Variants in PVT1 observed in about 807,000 individuals in gnomAD.
PVT1 encodes the protein CXCR4/PVT1 fusion.
At chr8:127,977,721 C>T (rs917295563) in intron 3 of PVT1, among the ~76,000 whole-genome samples, 1 of 126,328 alleles carries the variant, frequency 7.9e-6, no homozygotes, top group Non-Finnish European at 1.8e-5. Context: ...GGCAACGAAG[C>T]CAGACTCTGT....
chr8:128,070,132 C>G (rs2250888), intron 4 of PVT1: 1 of 151,980 alleles, frequency 6.6e-6, no homozygotes, highest in African/African-American at 2.4e-5. Context: ...CAATTTGGTT[C>G]TTTTGCTTAC....
At chr8:127,922,276 ACCC>A (rs33932004) in intron 3 of PVT1, among the ~76,000 whole-genome samples, 7 of 112,170 alleles carry the variant, frequency 6.2e-5, no homozygotes, top group African/African-American at 1.8e-4. Flanking sequence ...CAAGATACCC[ACCC>A]CCCCCCCCAC....
At chr8:127,968,132 G>T (rs1336460947) in intron 3 of PVT1, among the ~76,000 whole-genome samples, 1 of 152,162 alleles carries the variant, frequency 6.6e-6, no homozygotes, top group African/African-American at 2.4e-5. Context: ...TTTTCCAAAT[G>T]GCAGCTGGGG....
At chr8:128,052,398 T>C (rs759298862) in intron 4 of PVT1, among the ~76,000 whole-genome samples, 3 of 152,128 alleles carry the variant, frequency 2.0e-5, no homozygotes, top group Non-Finnish European at 4.4e-5. Flanking sequence ...GGGGGAAGGG[T>C]GATGTGAGTG....
At chr8:127,937,477 G>T (rs1367005950) in intron 3 of PVT1, among the ~76,000 whole-genome samples, 1 of 150,956 alleles carries the variant, frequency 6.6e-6, no homozygotes, top group Non-Finnish European at 1.5e-5. Flanking sequence ...TAGAAGTCTG[G>T]CCTTAAGTGA....
At chr8:127,976,485 T>C (rs536479734) in intron 3 of PVT1, among the ~76,000 whole-genome samples, 7 of 152,194 alleles carry the variant, frequency 4.6e-5, no homozygotes, top group Non-Finnish European at 1.0e-4. Flanking sequence ...AATAGGGTTA[T>C]AGTCCTCCTG....
chr8:127,960,732 A>G (rs545553246), intron 3 of PVT1: 3 of 493,708 alleles, frequency 6.1e-6, no homozygotes, highest in African/African-American at 4.0e-5. Context: ...GGCATAGATA[A>G]CTGTTTTCTG....
intron 3 of PVT1, among the ~76,000 whole-genome samples, chr8:127,894,603 G>A (rs1247131221): frequency 2.0e-5 from 3 of 152,200 alleles, no homozygotes; most frequent in Non-Finnish European, 4.4e-5. Context: ...TAAAAAAATT[G>A]TTTTGTGTTT....
chr8:127,850,188 G>A (rs1815092427), intron 2 of PVT1, among the ~76,000 whole-genome samples: 1 of 152,142 alleles, frequency 6.6e-6, no homozygotes, highest in African/African-American at 2.4e-5. Context: ...AGAGAGTGCT[G>A]CTTTCTATAC....
intron 2 of PVT1, among the ~76,000 whole-genome samples, chr8:127,811,764 T>C (rs1239985098): frequency 1.3e-5 from 2 of 152,154 alleles, no homozygotes; most frequent in Non-Finnish European, 2.9e-5. Context: ...AGTTCTTTTG[T>C]ATCTGGCCGG....
intron 4 of PVT1, among the ~76,000 whole-genome samples, chr8:128,041,812 T>C (rs546064543): frequency 6.6e-6 from 1 of 152,292 alleles, no homozygotes; most frequent in South Asian, 2.1e-4. Flanking sequence ...AGTTTGGATG[T>C]CATCATGGAG....
intron 3 of PVT1, among the ~76,000 whole-genome samples, chr8:127,913,224 T>G (rs939793666): frequency 2.6e-4 from 40 of 152,226 alleles, no homozygotes; most frequent in African/African-American, 9.6e-4. Context: ...GTTTTCATGG[T>G]GCCTGTGCCT....
chr8:127,798,815 G>T (rs900941196), intron 2 of PVT1, among the ~76,000 whole-genome samples: 4 of 152,002 alleles, frequency 2.6e-5, no homozygotes, highest in Admixed American at 6.6e-5. Flanking sequence ...GACGGAGTTT[G>T]CAGTGAGCTG....
chr8:128,073,097 G>A (rs2130138687), intron 5 of PVT1, among the ~76,000 whole-genome samples: 1 of 152,190 alleles, frequency 6.6e-6, no homozygotes, highest in South Asian at 2.1e-4. Flanking sequence ...GCCTCCCAAA[G>A]TGCTGGATTA....
intron 3 of PVT1, among the ~76,000 whole-genome samples, chr8:127,913,486 G>A (rs1035539525): frequency 1.3e-5 from 2 of 152,150 alleles, no homozygotes; most frequent in Non-Finnish European, 2.9e-5. Flanking sequence ...GCTGAAGAAC[G>A]TGTTTCCATG....
At chr8:128,074,829 C>A (rs1211886936) in intron 5 of PVT1, among the ~76,000 whole-genome samples, 5 of 152,168 alleles carry the variant, frequency 3.3e-5, no homozygotes, top group Non-Finnish European at 7.3e-5. Context: ...CAACCATCTT[C>A]CTCTCACACT....
chr8:128,049,121 T>C (rs766232071), intron 4 of PVT1: 2 of 523,652 alleles, frequency 3.8e-6, no homozygotes, highest in Non-Finnish European at 7.7e-6. Flanking sequence ...ATAGGAGCCC[T>C]TTCTTTTTCC....
At chr8:127,858,964 C>T (rs750504345) in intron 2 of PVT1, among the ~76,000 whole-genome samples, 15 of 151,594 alleles carry the variant, frequency 9.9e-5, no homozygotes, top group Non-Finnish European at 1.6e-4. Flanking sequence ...TGTGCCACCA[C>T]GCTTGACTAA....
At chr8:128,045,131 C>G (rs1039653906) in intron 4 of PVT1, among the ~76,000 whole-genome samples, 1 of 152,162 alleles carries the variant, frequency 6.6e-6, no homozygotes, top group Non-Finnish European at 1.5e-5. Context: ...CCTATCTTAA[C>G]GTCTTTGCTG....
Sources: gnomAD v4.1 joint callset for allele counts (sites outside exome capture counted in the v4.1 genomes callset) on GRCh38, gnomAD v4.1.1 for gene constraint, MANE v1.5 for transcripts, NCBI Gene and HGNC (gene_info 2026-07-23, HGNC 2026-07-21) for gene names.